XRCC4: variants seen among roughly 807,000 people sequenced by gnomAD.
XRCC4 encodes DNA repair protein XRCC4.
A neutral mutation model predicts 39.1 loss-of-function variants in XRCC4; 28 were observed. The observed-to-expected ratio is 0.72, with a 90% CI of 0.53 to 0.98. XRCC4 has a LOEUF of 0.98. Ranked by LOEUF, XRCC4 falls within the 50% of genes least tolerant of loss-of-function variation. The pLI is 0.00. For missense variants in XRCC4, 350 were observed against 376.4 expected (o/e 0.93, Z 0.58); for synonymous variants, 123 against 126.4 (o/e 0.97, Z 0.18).
chr5:83,196,635 C>A (rs1038916858), intron 4 of XRCC4, among the ~76,000 whole-genome samples: 1 of 151,404 alleles, frequency 6.6e-6, no homozygotes, highest in Non-Finnish European at 1.5e-5. Context: ...ACACTTGTAT[C>A]CTCACTTATA....
At chr5:83,272,826 T>C (rs889588751) in intron 7 of XRCC4, among the ~76,000 whole-genome samples, 4 of 152,236 alleles carry the variant, frequency 2.6e-5, no homozygotes, top group African/African-American at 9.6e-5. Flanking sequence ...CAGTCTGTCA[T>C]TGATGGGCAT....
rs572319549 is a variant in XRCC4, at chr5:83,132,333, T to C, written c.315+21130T>C. 1.6e-4 allele frequency among the ~76,000 whole-genome samples: 24 copies of C among 152,272 alleles called. No homozygotes were observed. In the South Asian group the frequency reaches 5.0e-3, roughly 32 times the overall value. ...TTAACATTTTTTCCTTCATTTCAAC[T>C]TCGGTGAATCTGACAATTATGTGTC... On this transcript the variant is annotated intron_variant, in intron 3 of 7. Coordinates refer to ENST00000396027, the MANE Select transcript of XRCC4 (RefSeq NM_003401.5).
intron 6 of XRCC4, among the ~76,000 whole-genome samples, chr5:83,238,728 C>T (rs962744199): frequency 6.6e-6 from 1 of 151,898 alleles, no homozygotes; most frequent in African/African-American, 2.4e-5. Context: ...TTTTATTTTT[C>T]ATAAAAGAAG....
chr5:83,307,996 G>C (rs1451223073), intron 7 of XRCC4, among the ~76,000 whole-genome samples: 1 of 152,120 alleles, frequency 6.6e-6, no homozygotes, highest in African/African-American at 2.4e-5. Context: ...TATCTTACCA[G>C]AACATATTAT....
At chr5:83,243,780 A>G (rs943367817) in intron 6 of XRCC4, among the ~76,000 whole-genome samples, 1 of 152,208 alleles carries the variant, frequency 6.6e-6, no homozygotes, top group Non-Finnish European at 1.5e-5. Flanking sequence ...AGGAAGCAAG[A>G]GATTGGAAAA....
intron 3 of XRCC4, among the ~76,000 whole-genome samples, chr5:83,185,078 G>C (rs1188418450): frequency 5.9e-5 from 9 of 151,700 alleles, no homozygotes; most frequent in Non-Finnish European, 1.3e-4. Flanking sequence ...ATACGACCAA[G>C]GGATAAAAAA....
At chr5:83,254,810 G>A (rs1307726686) in intron 6 of XRCC4, among the ~76,000 whole-genome samples, 1 of 152,276 alleles carries the variant, frequency 6.6e-6, no homozygotes, top group African/African-American at 2.4e-5. Context: ...ATGTAGACCA[G>A]GCGCGGTGGC....
intron 7 of XRCC4, among the ~76,000 whole-genome samples, chr5:83,298,043 C>G (rs1755153356): frequency 6.6e-6 from 1 of 151,902 alleles, no homozygotes; most frequent in Non-Finnish European, 1.5e-5. Context: ...CTGCCTTACA[C>G]AGCAGAAGCA....
intron 3 of XRCC4, among the ~76,000 whole-genome samples, chr5:83,159,441 C>T (rs1749104190): frequency 6.6e-6 from 1 of 152,034 alleles, no homozygotes; most frequent in African/African-American, 2.4e-5. Flanking sequence ...GTGAGTGAAA[C>T]AGATAGGCAT....
At chr5:83,192,163 T>C (rs969724178) in intron 3 of XRCC4, among the ~76,000 whole-genome samples, 8 of 142,864 alleles carry the variant, frequency 5.6e-5, no homozygotes, top group African/African-American at 2.0e-4. Context: ...ATTCTTTATA[T>C]ATATATACAC....
rs575395786 is a variant in XRCC4, at chr5:83,320,842, C to T, written c.894-32289C>T. Among the ~76,000 whole-genome samples the T allele has an allele frequency of 1.7e-4, 23 of 133,312 alleles. No homozygotes were observed. In the East Asian group the frequency reaches 3.1e-3, roughly 18 times the overall value. 87.5% of individuals were successfully genotyped at this position (133,312 alleles called of 152,430 possible). On this transcript the variant is annotated intron_variant, in intron 7 of 7. Coordinates refer to ENST00000396027, the MANE Select transcript of XRCC4 (RefSeq NM_003401.5). ...TTTTTTTTTTTTTGAGACAGAGTCT[C>T]GCTCTGTCACCCAGGCTGTAATGCA...
intron 7 of XRCC4, among the ~76,000 whole-genome samples, chr5:83,320,700 A>C (rs148729634): frequency 6.6e-6 from 1 of 152,084 alleles, no homozygotes; most frequent in East Asian, 1.9e-4. Context: ...AGCCATCAAT[A>C]TTGAGGCAAG....
At chr5:83,165,335 T>C (rs1031138193) in intron 3 of XRCC4, among the ~76,000 whole-genome samples, 2 of 152,164 alleles carry the variant, frequency 1.3e-5, no homozygotes. Flanking sequence ...TTATATATTA[T>C]AGATACAATT....
chr5:83,276,366 G>T (rs1754333375), intron 7 of XRCC4, among the ~76,000 whole-genome samples: 1 of 150,056 alleles, frequency 6.7e-6, no homozygotes. Flanking sequence ...TCCCAAATGT[G>T]TCAGTATTGA....
At chr5:83,182,094 C>T (rs1230721579) in intron 3 of XRCC4, among the ~76,000 whole-genome samples, 1 of 152,088 alleles carries the variant, frequency 6.6e-6, no homozygotes. Flanking sequence ...TTGTAATCTC[C>T]TCTAGTGTAT....
chr5:83,372,081 G>A, the XRCC4 span, among the ~76,000 whole-genome samples: 1 of 152,140 alleles, frequency 6.6e-6, no homozygotes, highest in Admixed American at 6.5e-5. Context: ...TGGGGTGCAG[G>A]AAATCCTTTT....
intron 7 of XRCC4, among the ~76,000 whole-genome samples, chr5:83,320,402 G>T: frequency 6.8e-6 from 1 of 146,556 alleles, no homozygotes; most frequent in South Asian, 2.3e-4. Context: ...AAAAAAAAAA[G>T]AAATAAAAAC....
intron 3 of XRCC4, among the ~76,000 whole-genome samples, chr5:83,183,192 TC>T (rs1347910347): frequency 1.3e-5 from 2 of 152,132 alleles, no homozygotes; most frequent in Non-Finnish European, 2.9e-5. Context: ...CTCCTTTTTT[TC>T]CCCAGTCTTC....
chr5:83,210,831 A>G (rs1221279086), intron 6 of XRCC4, among the ~76,000 whole-genome samples: 3 of 152,232 alleles, frequency 2.0e-5, no homozygotes, highest in African/African-American at 7.2e-5. Flanking sequence ...TAATTTCTTC[A>G]GATTTTGACT....
Sources: allele counts gnomAD v4.1 joint callset (sites outside exome capture counted in the v4.1 genomes callset), GRCh38; gene constraint gnomAD v4.1.1; transcripts MANE v1.5; gene names NCBI Gene and HGNC (gene_info 2026-07-23, HGNC 2026-07-21).